PHF21B: variants seen among roughly 807,000 people sequenced by gnomAD.
PHF21B encodes the protein PHD finger protein 21B, also known as PHD finger protein 4.
In PHF21B, 22 loss-of-function variants were observed where a neutral mutation model predicts 62.2. The ratio of observed to expected loss-of-function variants is 0.35; its 90% CI spans 0.25 to 0.51. The LOEUF is 0.51. Among genes scored for constraint, PHF21B ranks in the 20% least tolerant of loss-of-function variants. The probability of loss-of-function intolerance (pLI) is 0.97; values close to 1 mark genes in which losing one functional copy is unlikely to be tolerated. For synonymous variants in PHF21B, 341 were observed against 314.7 expected, an observed-to-expected ratio of 1.08 and a Z score of -0.88; for missense variants, 701 against 707.9, an observed-to-expected ratio of 0.99 and a Z score of 0.11.
At chr22:44,940,577 C>T (rs918983042) in intron 2 of PHF21B, among the ~76,000 whole-genome samples, 1 of 152,216 alleles carries the variant, frequency 6.6e-6, no homozygotes, top group African/African-American at 2.4e-5. Context: ...AAATGGCCCC[C>T]AGAGAAACAG....
chr22:44,917,113 G>A (rs1472664758), intron 3 of PHF21B, among the ~76,000 whole-genome samples: 2 of 152,196 alleles, frequency 1.3e-5, no homozygotes, highest in African/African-American at 4.8e-5. Context: ...GCGCTCCCGT[G>A]AAAACCAGAG....
intron 2 of PHF21B, among the ~76,000 whole-genome samples, chr22:44,988,769 G>T (rs1375416098): frequency 6.6e-6 from 1 of 152,218 alleles, no homozygotes; most frequent in Non-Finnish European, 1.5e-5. Flanking sequence ...ATATGCTGTG[G>T]TCATTTTGGG....
At chr22:44,971,713 G>A (rs2072641917) in intron 2 of PHF21B, among the ~76,000 whole-genome samples, 1 of 152,204 alleles carries the variant, frequency 6.6e-6, no homozygotes. Flanking sequence ...TCCACCTCCA[G>A]GGAGCCCTCG....
chr22:44,910,541 G>T (rs992809490), intron 5 of PHF21B, among the ~76,000 whole-genome samples: 1 of 152,188 alleles, frequency 6.6e-6, no homozygotes, highest in Non-Finnish European at 1.5e-5. Flanking sequence ...TTGTGATAGT[G>T]AATGTCTCAC....
intron 2 of PHF21B, among the ~76,000 whole-genome samples, chr22:44,976,217 G>A (rs140489420): frequency 1.5e-3 from 232 of 152,210 alleles, no homozygotes; most frequent in African/African-American, 5.0e-3. Context: ...ATATTCATGG[G>A]GTACAGTAGG....
chr22:45,008,972 G>A (rs1297291436), intron 1 of PHF21B: 3 of 1,082,058 alleles, frequency 2.8e-6, no homozygotes. Flanking sequence ...CGGCGAGTCC[G>A]TGTCGAGCAA....
chr22:45,003,453 C>A (rs752964496), intron 2 of PHF21B: 1 of 152,232 alleles, frequency 6.6e-6, no homozygotes, highest in Admixed American at 6.5e-5. Flanking sequence ...ACAAGCAAGG[C>A]TAAGAACGCC....
Position 44,916,587 on chromosome 22 carries a change from G to T in PHF21B, c.257C>A (p.Pro86Gln). The change falls in exon 4 of 13, where the codon CCG becomes CAG. Residue 86 changes from proline (P) to glutamine (Q), a missense_variant. Pro to Gln is a moderately conservative substitution (Grantham distance 76). Transcript: ENST00000313237. Reference protein sequence around the residue: ...TLIPDSLPVAPGRDRPPKQPP... With the variant: ...TLIPDSLPVAQGRDRPPKQPP... ...CTGCTTGGGTGGCCGGTCCCGGCCC[G>T]GGGCAACGGGGAGGCTGTCTGGAAT... 6.2e-7 allele frequency: 1 copy of T among 1,604,684 alleles called. No homozygotes were observed.
intron 2 of PHF21B, among the ~76,000 whole-genome samples, chr22:45,006,548 G>A (rs1484908368): frequency 3.3e-5 from 5 of 152,042 alleles, no homozygotes; most frequent in African/African-American, 1.2e-4. Flanking sequence ...CGGCATGACA[G>A]ATAATAAATA....
At chr22:44,930,096 C>A (rs1340844811) in intron 2 of PHF21B, among the ~76,000 whole-genome samples, 1 of 152,226 alleles carries the variant, frequency 6.6e-6, no homozygotes, top group African/African-American at 2.4e-5. Context: ...AGACACCCCT[C>A]GGGGTGAACA....
At chr22:44,968,428 G>A (rs1322028587) in intron 2 of PHF21B, among the ~76,000 whole-genome samples, 1 of 152,106 alleles carries the variant, frequency 6.6e-6, no homozygotes, top group Non-Finnish European at 1.5e-5. Flanking sequence ...CAGATCACTT[G>A]AGGTCAGGAG....
intron 2 of PHF21B, among the ~76,000 whole-genome samples, chr22:44,944,455 C>G (rs1471578025): frequency 2.6e-5 from 4 of 152,128 alleles, no homozygotes; most frequent in Non-Finnish European, 5.9e-5. Context: ...TGGGAGCTAT[C>G]GAGACTTAAT....
rs189251743 is a variant in PHF21B at position 44,954,791 on chromosome 22, G to A, written c.121-34301C>T. Among the ~76,000 whole-genome samples, 35 of 152,334 alleles carry A rather than the reference G, an allele frequency of 2.3e-4. 1 individual carries two copies. Among genetic ancestry groups the A allele is most frequent in the Admixed American group, 2.0e-3 (30 of 15,304 alleles). ...AGTCCTTCCCACCCCACGCTCCCAG[G>A]AATTTAACCGAGGAGTGGTCTGGCC... On this transcript the variant is annotated intron_variant, in intron 2 of 12. Transcript: ENST00000313237.
In PHF21B at chr22:44,898,571, C is replaced by T. The variant is rs112866708; in HGVS notation, c.832-2488G>A. The stretch of plus-strand genomic sequence containing the variant: ...GGCAGGGCTTTTTTCACTTTGTTGC[C>T]ATGCATCTAGATTTTTTTAAAAAGA... On this transcript the variant is annotated intron_variant, in intron 5 of 12. Transcript: ENST00000313237. Among the ~76,000 whole-genome samples, 802 of 152,146 alleles carry T rather than the reference C, an allele frequency of 5.3e-3. 8 individuals are homozygous for T. The highest frequency in any genetic ancestry group is 0.018 in the African/African-American group (752 of 41,512).
chr22:44,891,828 G>C (rs941638598), intron 7 of PHF21B, among the ~76,000 whole-genome samples: 3 of 152,238 alleles, frequency 2.0e-5, no homozygotes, highest in Non-Finnish European at 2.9e-5. Context: ...GAACATTCCA[G>C]AAGAGCGGCC....
intron 5 of PHF21B, among the ~76,000 whole-genome samples, chr22:44,908,252 G>A (rs1231830466): frequency 6.6e-6 from 1 of 152,144 alleles, no homozygotes; most frequent in Non-Finnish European, 1.5e-5. Flanking sequence ...TCCCACCTCT[G>A]AGGATCAGTG....
At chr22:44,894,414 A>T (rs2071021134) in intron 6 of PHF21B, among the ~76,000 whole-genome samples, 1 of 152,280 alleles carries the variant, frequency 6.6e-6, no homozygotes, top group East Asian at 1.9e-4. Flanking sequence ...GGAGTGGGGA[A>T]GGACCTTGCC....
intron 9 of PHF21B, 122 bp downstream of exon 9, chr22:44,889,628 CTAAAGGCAGA>C (rs2070924870): frequency 8.5e-7 from 1 of 1,170,852 alleles, no homozygotes; most frequent in Non-Finnish European, 1.2e-6. Flanking sequence ...CTCTTAGCAC[CTAAAGGCAGA>C]ACCGAAAGGC....
chr22:44,994,106 T>G lies in PHF21B; in HGVS notation c.120+14439A>C, dbSNP rs1040723052. On this transcript the variant is annotated intron_variant, in intron 2 of 12. Transcript: ENST00000313237. ...TGAGCCAAAGGCACCTGCTGCTGCG[T>G]CGGCCCGGGGCATCCCCGCAACGTG... 3.5e-4 allele frequency among the ~76,000 whole-genome samples: 54 copies of G among 152,314 alleles called. 1 individual carries two copies. The highest frequency in any genetic ancestry group is 1.3e-3 in the African/African-American group (53 of 41,578).
Sources: allele counts gnomAD v4.1 joint callset (sites outside exome capture counted in the v4.1 genomes callset), GRCh38; gene constraint gnomAD v4.1.1; transcripts MANE v1.5; gene names NCBI Gene and HGNC (gene_info 2026-07-23, HGNC 2026-07-21).